PHKB: variants seen among roughly 807,000 people sequenced by gnomAD.
PHKB encodes phosphorylase kinase regulatory subunit beta.
Under a neutral mutation model 152.1 loss-of-function variants are expected in PHKB, and 122 were observed. That is an observed-to-expected ratio of 0.80 (90% confidence interval 0.69 to 0.93). PHKB has a LOEUF of 0.93. PHKB is among the 40% of genes least tolerant of loss of function. The pLI, the probability that PHKB is intolerant of heterozygous loss-of-function variation, is 0.00. For missense variants in PHKB, 1,304 were observed against 1,328.4 expected (o/e 0.98, Z 0.29); for synonymous variants, 436 against 464.9 (o/e 0.94, Z 0.80).
At chr16:47,660,887 C>G in intron 22 of PHKB, 68 bp downstream of exon 22, 1 of 1,482,362 alleles carries the variant, frequency 6.7e-7, no homozygotes, top group Non-Finnish European at 9.4e-7. Context: ...CAGAATCAGA[C>G]CATATGTCTT....
intron 18 of PHKB, among the ~76,000 whole-genome samples, 183 bp downstream of exon 18, chr16:47,649,387 A>G (rs1362319599): frequency 6.6e-6 from 1 of 152,172 alleles, no homozygotes; most frequent in Non-Finnish European, 1.5e-5. Context: ...GGCATAATAG[A>G]TGACCTCGTC....
At chr16:47,521,792 A>T (rs936809645) in intron 6 of PHKB, among the ~76,000 whole-genome samples, 2 of 151,848 alleles carry the variant, frequency 1.3e-5, no homozygotes, top group Non-Finnish European at 2.9e-5. Context: ...GATTTTTAAT[A>T]TTTTTTCTAT....
intron 4 of PHKB, among the ~76,000 whole-genome samples, chr16:47,510,708 T>C (rs1409145314): frequency 2.0e-5 from 3 of 152,122 alleles, no homozygotes; most frequent in Admixed American, 6.5e-5. Flanking sequence ...TTTAAGATAG[T>C]ATTTTAAGGA....
chr16:47,471,730 T>C (rs1428521932), intron 1 of PHKB, among the ~76,000 whole-genome samples: 1 of 152,214 alleles, frequency 6.6e-6, no homozygotes, highest in East Asian at 1.9e-4. Flanking sequence ...GAGAATAAAC[T>C]AACTTTAGAA....
At chr16:47,611,936 G>A (rs1195673973) in intron 14 of PHKB, among the ~76,000 whole-genome samples, 2 of 152,180 alleles carry the variant, frequency 1.3e-5, no homozygotes, top group Non-Finnish European at 2.9e-5. Flanking sequence ...ATGTAAGGGG[G>A]TATTTGGCCT....
rs755801930 is a variant in PHKB at position 47,661,718 on chromosome 16, G to C, written c.2197-1G>C. ...TTCCTCACCGTGATTTATATTTTCA[G>C]GATTGCAGTTGTCTGGCTAGCCAAG... is the stretch of plus-strand genomic sequence containing the variant. On this transcript the variant is annotated splice_acceptor_variant, in intron 22 of 30. Coordinates refer to ENST00000323584, the MANE Select transcript of PHKB (RefSeq NM_000293.3). LOFTEE classifies it high-confidence loss of function. 1 of 1,607,182 alleles carries C rather than the reference G, an allele frequency of 6.2e-7. No individual in the cohort carries two copies. Among genetic ancestry groups the C allele is most frequent in the East Asian group, 2.2e-5 (1 of 44,844 alleles).
At chr16:47,474,544 T>A (rs574265473) in intron 1 of PHKB, among the ~76,000 whole-genome samples, 1 of 152,344 alleles carries the variant, frequency 6.6e-6, no homozygotes, top group South Asian at 2.1e-4. Context: ...CCTCCAATAG[T>A]TGAACCAGTA....
At chr16:47,518,371 C>A (rs186933976) in intron 6 of PHKB, among the ~76,000 whole-genome samples, 1 of 152,214 alleles carries the variant, frequency 6.6e-6, no homozygotes, top group East Asian at 1.9e-4. Context: ...GCTCATCATA[C>A]CTTTACTGGT....
chr16:47,637,787 A>G (rs1436334916), intron 14 of PHKB, among the ~76,000 whole-genome samples: 2 of 152,234 alleles, frequency 1.3e-5, no homozygotes, highest in Non-Finnish European at 2.9e-5. Context: ...TCAGGTTGCT[A>G]TAACAAAATA....
At chr16:47,537,411 A>G (rs1162367281) in intron 6 of PHKB, among the ~76,000 whole-genome samples, 5 of 152,256 alleles carry the variant, frequency 3.3e-5, no homozygotes, top group African/African-American at 4.8e-5. Context: ...TAAAGTAGAA[A>G]GGACTTCTTT....
At chr16:47,547,364 T>G in intron 6 of PHKB, 69 bp from the exon 7 acceptor site, 13 of 936,538 alleles carry the variant, frequency 1.4e-5, no homozygotes, top group Non-Finnish European at 2.1e-5. Flanking sequence ...ATTACAGGCA[T>G]GAGCCACCAC....
At chr16:47,621,897 A>G (rs1188658970) in intron 14 of PHKB, among the ~76,000 whole-genome samples, 1 of 152,234 alleles carries the variant, frequency 6.6e-6, no homozygotes, top group African/African-American at 2.4e-5. Context: ...AAAAAAATCC[A>G]GAACTGAGAA....
At chr16:47,513,887 T>C (rs745412310) in intron 5 of PHKB, among the ~76,000 whole-genome samples, 3 of 152,254 alleles carry the variant, frequency 2.0e-5, no homozygotes, top group Admixed American at 6.5e-5. Flanking sequence ...CTATTTAAAG[T>C]ATATAGTTTG....
chr16:47,668,971 A>G (rs1167132836), intron 25 of PHKB, among the ~76,000 whole-genome samples: 1 of 151,438 alleles, frequency 6.6e-6, no homozygotes, highest in Admixed American at 6.6e-5. Flanking sequence ...ACTCACCTCC[A>G]CTCCCCTAAC....
chr16:47,597,027 C>T (rs1446375955), intron 13 of PHKB, among the ~76,000 whole-genome samples: 1 of 152,048 alleles, frequency 6.6e-6, no homozygotes, highest in Non-Finnish European at 1.5e-5. Flanking sequence ...TTCATCTTCT[C>T]CTACAACTTG....
rs201646988 is a variant in PHKB at position 47,464,000 on chromosome 16, G to C, written c.76+2574G>C. 12 of 1,552,580 alleles carry C rather than the reference G, an allele frequency of 7.7e-6. No homozygotes were observed. In the East Asian group the frequency reaches 2.7e-4, roughly 35 times the overall value. The stretch of plus-strand genomic sequence containing the variant: ...TCCGCTTTCTTAAGGTCTGGTAAGT[G>C]TTGTAGACCCCAAAAGGGTCACTTG... On this transcript the variant is annotated intron_variant, in intron 1 of 30. Coordinates refer to ENST00000323584, the MANE Select transcript of PHKB (RefSeq NM_000293.3).
intron 28 of PHKB, among the ~76,000 whole-genome samples, chr16:47,695,553 G>T (rs1232832356): frequency 6.6e-6 from 1 of 152,174 alleles, no homozygotes; most frequent in Admixed American, 6.5e-5. Context: ...AGAGGACATT[G>T]GGTCCCATTT....
intron 1 of PHKB, among the ~76,000 whole-genome samples, chr16:47,483,009 C>T: frequency 6.6e-6 from 1 of 150,924 alleles, no homozygotes. Flanking sequence ...GTGTGAACCA[C>T]CATGCCTGGC....
intron 27 of PHKB, among the ~76,000 whole-genome samples, chr16:47,691,632 T>C (rs1974061845): frequency 6.7e-6 from 1 of 150,048 alleles, no homozygotes; most frequent in Admixed American, 6.7e-5. Context: ...CTGAACCCAG[T>C]AAGCTGAGGC....
Sources: gnomAD v4.1 joint callset for allele counts (sites outside exome capture counted in the v4.1 genomes callset) on GRCh38, gnomAD v4.1.1 for gene constraint, MANE v1.5 for transcripts, NCBI Gene and HGNC (gene_info 2026-07-23, HGNC 2026-07-21) for gene names.